NPSR1: variants seen among roughly 807,000 people sequenced by gnomAD.
The protein encoded by NPSR1 is neuropeptide S receptor.
In NPSR1, 48 loss-of-function variants were observed where a neutral mutation model predicts 46.9. The observed-to-expected ratio is 1.02, with a 90% confidence interval of 0.81 to 1.30. NPSR1 has a LOEUF of 1.30. NPSR1 is among the 50% of genes most tolerant of loss of function. The pLI, the probability that NPSR1 is intolerant of heterozygous loss-of-function variation, is 0.00. For synonymous variants in NPSR1, 176 were observed against 168.1 expected, an observed-to-expected ratio of 1.05 and a Z score of -0.36; for missense variants, 450 against 449.5, an observed-to-expected ratio of 1.00 and a Z score of -0.01.
chr7:34,684,449 G>A, intron 1 of NPSR1, 103 bp from the exon 2 acceptor site: 1 of 1,075,324 alleles, frequency 9.3e-7, no homozygotes, highest in East Asian at 2.5e-5. Context: ...CCAAAAGTAG[G>A]GATATGTGGC....
At chr7:34,815,721 G>A in intron 4 of NPSR1, among the ~76,000 whole-genome samples, 1 of 152,156 alleles carries the variant, frequency 6.6e-6, no homozygotes, top group East Asian at 1.9e-4. Context: ...AGATCTCTTG[G>A]CAGAAACCCT....
downstream of NPSR1, among the ~76,000 whole-genome samples, chr7:34,854,613 T>G (rs540523100): frequency 6.6e-6 from 1 of 152,324 alleles, no homozygotes; most frequent in East Asian, 1.9e-4. Flanking sequence ...TAAGATGAAG[T>G]AATAATTCTA....
intron 2 of NPSR1, among the ~76,000 whole-genome samples, chr7:34,706,837 C>T (rs373998817): frequency 6.6e-6 from 1 of 152,070 alleles, no homozygotes; most frequent in Non-Finnish European, 1.5e-5. Context: ...ATATGTTTCA[C>T]CCATCTACTG....
intron 8 of NPSR1, chr7:34,871,495 A>C (rs1584162439): frequency 6.6e-6 from 1 of 151,912 alleles, no homozygotes; most frequent in East Asian, 1.9e-4. Flanking sequence ...AAATACAATC[A>C]TACCTTTCCA....
intron 4 of NPSR1, among the ~76,000 whole-genome samples, chr7:34,826,360 T>C (rs573677270): frequency 6.6e-6 from 1 of 152,300 alleles, no homozygotes; most frequent in East Asian, 1.9e-4. Context: ...GAGTCCCTAG[T>C]TTCCTCTAGA....
At chr7:34,754,176 G>C (rs1210289164) in intron 2 of NPSR1, among the ~76,000 whole-genome samples, 2 of 152,038 alleles carry the variant, frequency 1.3e-5, no homozygotes, top group African/African-American at 2.4e-5. Context: ...GTAGTAGGTG[G>C]TCAACTGGAC....
chr7:34,713,282 T>C (rs1783395053), intron 2 of NPSR1, among the ~76,000 whole-genome samples: 1 of 152,186 alleles, frequency 6.6e-6, no homozygotes, highest in Admixed American at 6.5e-5. Flanking sequence ...TGAGTTTGCC[T>C]CTTTTAGGAG....
intron 1 of NPSR1, among the ~76,000 whole-genome samples, chr7:34,683,825 C>T (rs1792784569): frequency 6.6e-6 from 1 of 152,132 alleles, no homozygotes; most frequent in African/African-American, 2.4e-5. Flanking sequence ...CTTAAAGGTT[C>T]TACCTTAACT....
intron 2 of NPSR1, among the ~76,000 whole-genome samples, chr7:34,777,710 C>A (rs1787035344): frequency 6.6e-6 from 1 of 151,974 alleles, no homozygotes; most frequent in Admixed American, 6.6e-5. Context: ...TTCTGGATTA[C>A]GTGATAAATT....
At chr7:34,722,814 G>A (rs1392082378) in intron 2 of NPSR1, among the ~76,000 whole-genome samples, 2 of 152,174 alleles carry the variant, frequency 1.3e-5, no homozygotes, top group East Asian at 1.9e-4. Flanking sequence ...ATGGAGGGAA[G>A]TGTCTTGAGC....
At chr7:34,735,451 G>A (rs1379990779) in intron 2 of NPSR1, among the ~76,000 whole-genome samples, 2 of 152,152 alleles carry the variant, frequency 1.3e-5, no homozygotes, top group African/African-American at 2.4e-5. Context: ...CTGTTTTGCT[G>A]ACCTTAATAA....
intron 6 of NPSR1, among the ~76,000 whole-genome samples, chr7:34,843,613 C>G (rs1012026904): frequency 6.6e-6 from 1 of 152,214 alleles, no homozygotes; most frequent in African/African-American, 2.4e-5. Context: ...AGAACAAGTA[C>G]TATATTTCAG....
At chr7:34,661,247 AAGCATGTTC>A (rs778305646) in intron 1 of NPSR1, among the ~76,000 whole-genome samples, 1 of 152,106 alleles carries the variant, frequency 6.6e-6, no homozygotes, top group African/African-American at 2.4e-5. Context: ...CCCTTTCTGC[AAGCATGTTC>A]AGCTTGTCCC....
intron 3 of NPSR1, among the ~76,000 whole-genome samples, chr7:34,798,360 C>A (rs1439666357): frequency 6.6e-6 from 1 of 152,112 alleles, no homozygotes; most frequent in African/African-American, 2.4e-5. Flanking sequence ...CATGGTGAAA[C>A]CCCGTGTCTA....
chr7:34,713,086 C>T (rs1183981265), intron 2 of NPSR1, among the ~76,000 whole-genome samples: 1 of 152,190 alleles, frequency 6.6e-6, no homozygotes, highest in Non-Finnish European at 1.5e-5. Flanking sequence ...AAGGACACCG[C>T]CCTTCTGTGA....
chr7:34,811,644 T>A, intron 3 of NPSR1, 126 bp from the exon 4 acceptor site: 2 of 621,156 alleles, frequency 3.2e-6, no homozygotes, highest in Non-Finnish European at 2.8e-6. Flanking sequence ...CCCTTCCTAA[T>A]CCAACACTCA....
chr7:34,812,030 T>G (rs1473566543), intron 4 of NPSR1, among the ~76,000 whole-genome samples, 167 bp downstream of exon 4: 1 of 152,190 alleles, frequency 6.6e-6, no homozygotes, highest in Non-Finnish European at 1.5e-5. Flanking sequence ...TTCATGGGTC[T>G]GATTGTCTAA....
intron 2 of NPSR1, among the ~76,000 whole-genome samples, chr7:34,697,096 G>C (rs889756508): frequency 4.6e-5 from 7 of 151,932 alleles, no homozygotes; most frequent in Non-Finnish European, 1.0e-4. Context: ...AATTGATATT[G>C]ATAACTGTTG....
At chr7:34,742,868 A>G (rs1390102899) in intron 2 of NPSR1, among the ~76,000 whole-genome samples, 3 of 152,190 alleles carry the variant, frequency 2.0e-5, no homozygotes, top group African/African-American at 7.2e-5. Context: ...GTGAGATGGT[A>G]TTTCACTGTG....
Sources: gnomAD v4.1 joint callset for allele counts (sites outside exome capture counted in the v4.1 genomes callset) on GRCh38, gnomAD v4.1.1 for gene constraint, MANE v1.5 for transcripts, NCBI Gene and HGNC (gene_info 2026-07-23, HGNC 2026-07-21) for gene names.